The following TET1 variants were observed in gnomAD, a reference collection of about 807,000 sequenced individuals.
The protein encoded by TET1 is methylcytosine dioxygenase TET1.
In TET1, 13 loss-of-function variants were observed where a neutral mutation model predicts 148.7. That is an observed-to-expected ratio of 0.09 (90% CI 0.06 to 0.14). TET1 has a LOEUF of 0.14. Among genes scored for constraint, TET1 ranks in the 10% least tolerant of loss-of-function variants. The probability of loss-of-function intolerance (pLI) is 1.00; values close to 1 mark genes in which losing one functional copy is unlikely to be tolerated. For synonymous variants in TET1, 907 were observed against 937.2 expected (o/e 0.97, Z 0.59); for missense variants, 2,182 against 2,553.8 (o/e 0.85, Z 3.14).
chr10:68,604,031 C>T (rs761869416), intron 3 of TET1, among the ~76,000 whole-genome samples: 2 of 152,138 alleles, frequency 1.3e-5, no homozygotes, highest in Non-Finnish European at 2.9e-5. Flanking sequence ...ATATAGATGA[C>T]ATCTTGTTAG....
intron 1 of TET1, among the ~76,000 whole-genome samples, chr10:68,567,609 T>A (rs1158425135): frequency 2.0e-5 from 3 of 151,646 alleles, no homozygotes; most frequent in Non-Finnish European, 2.9e-5. Flanking sequence ...TATTTTTTTT[T>A]AATCTATTTT....
intron 2 of TET1, among the ~76,000 whole-genome samples, chr10:68,578,117 G>A (rs1590164327): frequency 6.6e-6 from 1 of 152,158 alleles, no homozygotes; most frequent in East Asian, 1.9e-4. Context: ...TACTGAGCCT[G>A]TAATCCCAGC....
chr10:68,625,848 A>T (rs2054469472), intron 3 of TET1, among the ~76,000 whole-genome samples: 1 of 152,076 alleles, frequency 6.6e-6, no homozygotes, highest in African/African-American at 2.4e-5. Context: ...GCACTTTGGG[A>T]GGCTGAGGCA....
chr10:68,564,221 T>C (rs1429805688), intron 1 of TET1, among the ~76,000 whole-genome samples: 3 of 151,926 alleles, frequency 2.0e-5, no homozygotes, highest in Non-Finnish European at 4.4e-5. Flanking sequence ...TGATCTCCGC[T>C]TACTGCAACC....
At chr10:68,623,836 T>G (rs10998340) in intron 3 of TET1, among the ~76,000 whole-genome samples, 24,222 of 152,140 alleles carry the variant, frequency 0.16, 2,101 homozygotes, top group South Asian at 0.24. Flanking sequence ...TTCCTTGGCA[T>G]GTACAAAGAA....
intron 6 of TET1, among the ~76,000 whole-genome samples, chr10:68,660,083 C>T (rs567684016): frequency 3.3e-5 from 5 of 152,160 alleles, no homozygotes; most frequent in African/African-American, 4.8e-5. Context: ...GAAAGATACC[C>T]GCTACACTTG....
intron 8 of TET1, chr10:68,673,377 A>T (rs2055300332): frequency 3.4e-6 from 1 of 291,466 alleles, no homozygotes; most frequent in African/African-American, 2.3e-5. Context: ...AATTTCAAAG[A>T]CTCAGAAAGT....
intron 1 of TET1, among the ~76,000 whole-genome samples, chr10:68,562,933 T>C (rs1295868548): frequency 1.3e-5 from 2 of 152,208 alleles, no homozygotes; most frequent in Non-Finnish European, 2.9e-5. Flanking sequence ...CCTCAGTTTT[T>C]ACTATAAGTA....
rs540570931 is a variant in TET1 at position 68,686,111 on chromosome 10, A to G, written c.5053-245A>G. On this transcript the variant is annotated intron_variant, in intron 10 of 11. Coordinates refer to ENST00000373644, the MANE Select transcript of TET1 (RefSeq NM_030625.3). ...TATCAAAAATACGTAAGTATTTTAT[A>G]ACGTTATATTTACTTAGAAAATTAA... Among the ~76,000 whole-genome samples, 3 of 152,356 alleles carry G rather than the reference A, an allele frequency of 2.0e-5. No individual in the cohort carries two copies. The South Asian group carries it at 6.2e-4, about 32-fold the overall frequency.
Position 68,669,112 on chromosome 10 carries a change from G to A in TET1, c.4673+1856G>A, listed in dbSNP as rs137910672. Among the ~76,000 whole-genome samples the A allele has an allele frequency of 8.9e-4, 135 of 152,240 alleles. 3 individuals are homozygous for A. The East Asian group carries it at 0.023, about 26-fold the overall frequency. ...AAAATTTTTAAAACCAGGCATAGTG[G>A]TGTGTGCCTGTGTTCCTGGCTACTT... On this transcript the variant is annotated intron_variant, in intron 7 of 11. Coordinates refer to ENST00000373644, the MANE Select transcript of TET1 (RefSeq NM_030625.3).
At chr10:68,611,423 G>A (rs936120192) in intron 3 of TET1, among the ~76,000 whole-genome samples, 4 of 152,006 alleles carry the variant, frequency 2.6e-5, no homozygotes, top group Non-Finnish European at 4.4e-5. Flanking sequence ...ACCGTGGTAT[G>A]CTATGAGAGC....
At chr10:68,632,109 T>C (rs1189643280) in intron 3 of TET1, among the ~76,000 whole-genome samples, 1 of 151,730 alleles carries the variant, frequency 6.6e-6, no homozygotes, top group Non-Finnish European at 1.5e-5. Context: ...TGGATCACGA[T>C]GTCAGATCGA....
intron 1 of TET1, among the ~76,000 whole-genome samples, chr10:68,569,173 T>C (rs1306258389): frequency 2.9e-5 from 4 of 135,948 alleles, no homozygotes; most frequent in African/African-American, 8.4e-5. Context: ...TTTCTTTTTT[T>C]TTTTTTTTTT....
intron 8 of TET1, among the ~76,000 whole-genome samples, chr10:68,679,594 A>C (rs2055408943): frequency 6.6e-6 from 1 of 152,174 alleles, no homozygotes; most frequent in Admixed American, 6.5e-5. Flanking sequence ...GTTGATTTAA[A>C]AGTTTCTCCC....
In TET1 at chr10:68,686,680, A is replaced by G. The variant is rs182383923; in HGVS notation, c.5377A>G (p.Ser1793Gly). The change falls in exon 11 of 12, where the codon AGT becomes GGT. Residue 1793 changes from serine (S) to glycine (G), a missense_variant. Physicochemically the swap from Ser to Gly is moderately conservative, Grantham distance 56. Transcript: ENST00000373644. ...RKNNSTTTNN[S>G]KPSSLPTLGS... ...GAATAACTCAACAACAACAAACAACAGTAAGCCTTCGTCACTGCCAACCTT... is the reference window on the plus strand; with the variant it reads ...GAATAACTCAACAACAACAAACAACGGTAAGCCTTCGTCACTGCCAACCTT... The G allele has an allele frequency of 3.1e-6, 5 of 1,613,830 alleles. No homozygotes were observed. The Admixed American group carries it at 6.7e-5, about 22-fold the overall frequency.
At position 68,646,536 on chromosome 10, in the gene TET1, A is replaced by C. The variant is rs150692118; in HGVS notation, c.3807A>C (p.Lys1269Asn). The C allele has an allele frequency of 1.5e-4, 246 of 1,614,156 alleles. 2 individuals carry two copies. In the East Asian group the frequency reaches 5.3e-3, roughly 35 times the overall value. ...ATTCACTCAGCTTATTTCATCTTAA[A>C]ACGGAATCCAACGGGAAGGCATTCA... ...PLDSLSLFHL[K>N]TESNGKAFTD... The change falls in exon 4 of 12, where the codon AAA (lysine) becomes AAC (asparagine). Residue 1269 changes from lysine (K) to asparagine (N), a missense_variant. Coordinates refer to ENST00000373644, the MANE Select transcript of TET1 (RefSeq NM_030625.3).
chr10:68,594,731 C>T (rs932655574), intron 2 of TET1, among the ~76,000 whole-genome samples: 33 of 152,106 alleles, frequency 2.2e-4, no homozygotes, highest in African/African-American at 7.2e-4. Context: ...GTACTCCCTG[C>T]ACTTTGGGAG....
intron 6 of TET1, among the ~76,000 whole-genome samples, chr10:68,664,495 G>A (rs1050082214): frequency 2.7e-5 from 4 of 149,832 alleles, no homozygotes; most frequent in South Asian, 4.2e-4. Context: ...TGCAACCTCG[G>A]CTCCCGCCTA....
At chr10:68,566,115 A>G (rs943760764) in intron 1 of TET1, among the ~76,000 whole-genome samples, 1 of 152,214 alleles carries the variant, frequency 6.6e-6, no homozygotes, top group East Asian at 1.9e-4. Flanking sequence ...ACAGAAATCA[A>G]TTTGTAAACC....
Sources: allele counts gnomAD v4.1 joint callset (sites outside exome capture counted in the v4.1 genomes callset), GRCh38; gene constraint gnomAD v4.1.1; transcripts MANE v1.5; gene names NCBI Gene and HGNC (gene_info 2026-07-23, HGNC 2026-07-21).